The following HPD variants were observed in gnomAD, a reference collection of about 807,000 sequenced individuals.
HPD encodes the protein 4-hydroxyphenylpyruvic acid oxidase.
A neutral mutation model predicts 56.9 loss-of-function variants in HPD; 35 were observed. The observed-to-expected ratio is 0.62, with a 90% CI of 0.47 to 0.82. The LOEUF (loss-of-function observed/expected upper bound fraction) is 0.82, where lower values mean the gene tolerates loss of function less well. HPD is among the 40% of genes least tolerant of loss of function. The pLI, the probability that HPD is intolerant of heterozygous loss-of-function variation, is 0.00. For synonymous variants in HPD, 186 were observed against 200.2 expected (o/e 0.93, Z 0.60); for missense variants, 442 against 506.8 (o/e 0.87, Z 1.23).
Position 121,839,695 on chromosome 12 carries a change from G to A in HPD, c.*33C>T, listed in dbSNP as rs746958236. On this transcript the variant is annotated 3_prime_UTR_variant, in exon 14 of 14. Transcript: ENST00000289004. ...AGTTCCAGAATCAGGGGGCGTGGCT[G>A]TGTGGCTGTGGCCTCCGTGGGGTGG... 2.8e-6 allele frequency: 4 copies of A among 1,449,702 alleles called. No homozygotes were observed. The South Asian group carries it at 4.6e-5, about 17-fold the overall frequency. The allele number at this position is 1,449,702 out of a possible 1,614,324, so 89.8% of individuals were successfully genotyped here.
At chr12:121,846,782 C>T in intron 11 of HPD, 80 bp downstream of exon 11, 1 of 1,370,426 alleles carries the variant, frequency 7.3e-7, no homozygotes, top group South Asian at 1.2e-5. Context: ...AGGACTGCCG[C>T]CACCCGCCCT....
intron 7 of HPD, among the ~76,000 whole-genome samples, chr12:121,852,914 G>A (rs1479928375): frequency 1.3e-5 from 2 of 152,072 alleles, no homozygotes; most frequent in Non-Finnish European, 2.9e-5. Context: ...TTATGGGCGT[G>A]AGCCACTGCG....
intron 12 of HPD, among the ~76,000 whole-genome samples, chr12:121,841,972 C>A (rs140886277): frequency 6.6e-6 from 1 of 151,614 alleles, no homozygotes; most frequent in East Asian, 1.9e-4. Flanking sequence ...CATGAGCCAC[C>A]GTGCCTGGAC....
chr12:121,842,067 G>C (rs1241708287), intron 12 of HPD, among the ~76,000 whole-genome samples: 1 of 152,024 alleles, frequency 6.6e-6, no homozygotes, highest in Non-Finnish European at 1.5e-5. Context: ...GGCTGGGGTG[G>C]GAGGGGGGAA....
Position 121,856,563 on chromosome 12 carries a change from A to G in HPD, c.241+20T>C. 6.2e-7 allele frequency: 1 copy of G among 1,613,312 alleles called. No homozygotes were observed. Among genetic ancestry groups the G allele is most frequent in the Non-Finnish European group, 8.5e-7 (1 of 1,179,594 alleles). On this transcript the variant is annotated intron_variant, in intron 5 of 13. Coordinates refer to ENST00000289004, the MANE Select transcript of HPD (RefSeq NM_002150.3). ...ATCCCACCCACAGAGCCATGCGTCC[A>G]CCCTCCCCGGGCACCTCACCTTTGT... is the stretch of plus-strand genomic sequence containing the variant.
chr12:121,880,276 C>T, the HPD span, among the ~76,000 whole-genome samples: 1 of 151,246 alleles, frequency 6.6e-6, no homozygotes, highest in Non-Finnish European at 1.5e-5. Flanking sequence ...GATCTCGGCT[C>T]ATTGCAACCT....
chr12:121,864,855 A>AAAC (rs149108918), upstream of HPD, among the ~76,000 whole-genome samples: 112 of 150,664 alleles, frequency 7.4e-4, 1 homozygote, highest in Middle Eastern at 3.4e-3. Flanking sequence ...TCCGTCTCAA[A>AAAC]AACAACAACA....
Position 121,857,439 on chromosome 12 carries a change from C to CACA in HPD, c.94-10_94-8dup. The CACA allele has an allele frequency of 6.3e-7, 1 of 1,592,968 alleles. No homozygotes were observed. ...TGCAGTAGAATGACGTGGCCTGAAT[C>CACA]ACAGGGTTGCAGCAGGGTTCATGAG... On this transcript the variant is annotated splice_region_variant and splice_polypyrimidine_tract_variant and intron_variant, in intron 3 of 13. Coordinates refer to ENST00000289004, the MANE Select transcript of HPD (RefSeq NM_002150.3).
chr12:121,879,505 T>TCTTCTCTTCTCTTCTCTTCTCTTC, the HPD span, among the ~76,000 whole-genome samples: 4 of 10,786 alleles, frequency 3.7e-4, no homozygotes, highest in Non-Finnish European at 9.3e-4. Flanking sequence ...CTCTTCTCTT[T>TCTTCTCTTCTCTTCTCTTCTCTTC]TTTCTTTTCT....
chr12:121,857,066 G>A, intron 4 of HPD: 1 of 521,656 alleles, frequency 1.9e-6, no homozygotes, highest in Non-Finnish European at 3.5e-6. Flanking sequence ...GTTGTTGTTG[G>A]GGTTTTTTGT....
chr12:121,872,074 TA>T, the HPD span, among the ~76,000 whole-genome samples: 1 of 60,758 alleles, frequency 1.6e-5, no homozygotes, highest in African/African-American at 3.8e-5. Context: ...CTACTAAAAA[TA>T]CAAAAAAAAA....
intron 11 of HPD, among the ~76,000 whole-genome samples, chr12:121,846,250 C>G (rs1032140011): frequency 2.0e-5 from 3 of 152,012 alleles, no homozygotes; most frequent in African/African-American, 7.2e-5. Context: ...GAATTTCACT[C>G]TTGTCGCCCA....
At chr12:121,844,552 A>G (rs1877512634) in intron 11 of HPD, among the ~76,000 whole-genome samples, 2 of 149,620 alleles carry the variant, frequency 1.3e-5, no homozygotes, top group African/African-American at 4.9e-5. Context: ...GTTGGAGACC[A>G]GCCTGACCAA....
chr12:121,878,414 T>A, the HPD span, among the ~76,000 whole-genome samples: 2 of 152,204 alleles, frequency 1.3e-5, no homozygotes, highest in African/African-American at 4.8e-5. Context: ...AGTGGTATGA[T>A]CTTGGCTCAC....
At chr12:121,849,265 A>G (rs989937149) in intron 8 of HPD, among the ~76,000 whole-genome samples, 189 bp from the exon 9 acceptor site, 1 of 151,868 alleles carries the variant, frequency 6.6e-6, no homozygotes, top group African/African-American at 2.4e-5. Context: ...CTGGGGCTCA[A>G]GTGAACCTCC....
At chr12:121,865,003 C>T (rs1478249100), upstream of HPD, among the ~76,000 whole-genome samples, 1 of 151,970 alleles carries the variant, frequency 6.6e-6, no homozygotes, top group African/African-American at 2.4e-5. Context: ...CATATTGGCT[C>T]ACGCCTGTAA....
chr12:121,875,385 G>T, the HPD span, among the ~76,000 whole-genome samples: 2 of 151,214 alleles, frequency 1.3e-5, no homozygotes, highest in Non-Finnish European at 3.0e-5. Flanking sequence ...ACTCTGTATG[G>T]TCAATTTCTT....
intron 7 of HPD, among the ~76,000 whole-genome samples, chr12:121,852,889 C>G (rs1476464114): frequency 6.6e-6 from 1 of 152,006 alleles, no homozygotes; most frequent in African/African-American, 2.4e-5. Flanking sequence ...GCCTCAGCCT[C>G]CTACAGTGCT....
the HPD span, among the ~76,000 whole-genome samples, chr12:121,882,153 T>C: frequency 6.6e-6 from 1 of 152,018 alleles, no homozygotes; most frequent in Non-Finnish European, 1.5e-5. Flanking sequence ...GCCACCTTTA[T>C]GGCTGTCAGA....
Sources: gnomAD v4.1 joint callset for allele counts (sites outside exome capture counted in the v4.1 genomes callset) on GRCh38, gnomAD v4.1.1 for gene constraint, MANE v1.5 for transcripts, NCBI Gene and HGNC (gene_info 2026-07-23, HGNC 2026-07-21) for gene names.